The following SLC1A1 variants were observed in gnomAD, a reference collection of about 807,000 sequenced individuals.
The protein encoded by SLC1A1 is solute carrier family 1 member 1, also known as excitatory amino acid transporter 3.
In SLC1A1, 43 loss-of-function variants were observed where a neutral mutation model predicts 53.3. That is an observed-to-expected ratio of 0.81 (90% CI 0.63 to 1.04). The LOEUF is 1.04. SLC1A1 is among the 50% of genes least tolerant of loss of function. SLC1A1 has a pLI of 0.00. For missense variants in SLC1A1, 748 were observed against 664.9 expected, an observed-to-expected ratio of 1.12 and a Z score of -1.37; for synonymous variants, 307 against 243.2, an observed-to-expected ratio of 1.26 and a Z score of -2.44.
At chr9:4,505,727 G>A (rs1055629801) in intron 1 of SLC1A1, among the ~76,000 whole-genome samples, 1 of 152,158 alleles carries the variant, frequency 6.6e-6, no homozygotes, top group African/African-American at 2.4e-5. Context: ...CATGATCTTG[G>A]CTCACTTCAA....
At chr9:4,544,339 G>A (rs917205180) in intron 1 of SLC1A1, among the ~76,000 whole-genome samples, 12 of 152,128 alleles carry the variant, frequency 7.9e-5, no homozygotes, top group African/African-American at 2.9e-4. Context: ...TGACAACAAA[G>A]CTTTCATGTA....
Position 4,539,266 on chromosome 9 carries a change from C to T in SLC1A1, c.92-5301C>T, listed in dbSNP as rs370580173. ...CATAAGAACAAAGGCTGGTTAGGAC[C>T]TGGAAAAAACGAGAGAGGGAGAGAT... is the stretch of plus-strand genomic sequence containing the variant. On this transcript the variant is annotated intron_variant, in intron 1 of 11. Transcript: ENST00000262352. Among the ~76,000 whole-genome samples, 4 of 152,054 alleles carry T rather than the reference C, an allele frequency of 2.6e-5. 1 individual carries two copies. The highest frequency in any genetic ancestry group is 4.4e-5 in the Non-Finnish European group (3 of 68,016).
At chr9:4,490,928 C>G (rs1390060714) in intron 1 of SLC1A1, among the ~76,000 whole-genome samples, 158 bp downstream of exon 1, 1 of 152,198 alleles carries the variant, frequency 6.6e-6, no homozygotes, top group Non-Finnish European at 1.5e-5. Context: ...GGGCTTTCCC[C>G]CAAGCGCTCT....
At position 4,576,102 on chromosome 9, in the gene SLC1A1, C is replaced by G; in HGVS notation, c.977C>G (p.Thr326Arg). Residue 326 changes from threonine (T) to arginine (R), a missense_variant, in exon 9 of 12, where the codon ACA (threonine) becomes AGA (arginine). Physicochemically the swap from Thr to Arg is moderately conservative, Grantham distance 71 (BLOSUM62 -1). Transcript: ENST00000262352. ...FAMGMAQALL[T>R]ALMISSSSAT... ...ATGGGAATGGCCCAGGCTCTCCTGA[C>G]AGCTCTCATGATCTCTTCCAGGTAA... The G allele has an allele frequency of 6.2e-7, 1 of 1,613,870 alleles. No individual in the cohort carries two copies. The highest frequency in any genetic ancestry group is 8.5e-7 in the Non-Finnish European group (1 of 1,179,722).
chr9:4,583,874 TCTCTCTCTCACA>T lies in SLC1A1; in HGVS notation c.1328+704_1328+715del, dbSNP rs1478481395. On this transcript the variant is annotated intron_variant, in intron 11 of 11. Coordinates refer to ENST00000262352, the MANE Select transcript of SLC1A1 (RefSeq NM_004170.6). This position sits in a 1 kb window ranked among gnomAD's most constrained non-coding sequence, Gnocchi z 4.6. Reference sequence around the variant, plus strand: ...ACACTTCTCTCTCTCTCTCTCTCTCTCTCTCTCTCACACACACACACACACACACACACACAC... The same window carrying T: ...ACACTTCTCTCTCTCTCTCTCTCTCTCACACACACACACACACACACACAC... 2.3e-5 allele frequency among the ~76,000 whole-genome samples: 3 copies of T among 132,572 alleles called. No individual in the cohort carries two copies. Among genetic ancestry groups the T allele is most frequent in the Admixed American group, 7.5e-5 (1 of 13,310 alleles). The allele number at this position is 132,572 out of a possible 152,430, so 87.0% of individuals were successfully genotyped here. A position where few individuals can be genotyped will look rare whatever the true frequency, so the allele number is the denominator to read the frequency against.
chr9:4,540,952 C>T (rs1445016737), intron 1 of SLC1A1, among the ~76,000 whole-genome samples: 1 of 152,206 alleles, frequency 6.6e-6, no homozygotes, highest in Non-Finnish European at 1.5e-5. Context: ...CCACACCTCA[C>T]AATTGGTGGA....
Position 4,573,937 on chromosome 9 carries a change from T to C in SLC1A1, c.798T>C (p.Ile266=). 1 of 1,613,856 alleles carries C rather than the reference T, an allele frequency of 6.2e-7. No individual in the cohort carries two copies. Among genetic ancestry groups the C allele is most frequent in the Non-Finnish European group, 8.5e-7 (1 of 1,179,722 alleles). ...CYMPLGILFL[I]AGKIIEVEDW... Reference sequence around the variant, plus strand: ...TGCCACTAGGTATTTTGTTCCTGATTGCTGGGAAGATCATAGAAGTTGAAG... The same window carrying C: ...TGCCACTAGGTATTTTGTTCCTGATCGCTGGGAAGATCATAGAAGTTGAAG... The change falls in exon 8 of 12, where the codon ATT becomes ATC. Residue 266 remains isoleucine (I), a synonymous_variant. Transcript: ENST00000262352.
chr9:4,543,898 G>A (rs1817229998), intron 1 of SLC1A1, among the ~76,000 whole-genome samples: 1 of 152,080 alleles, frequency 6.6e-6, no homozygotes, highest in Non-Finnish European at 1.5e-5. Context: ...ATGTAAAATA[G>A]CCAAGCATGG....
At chr9:4,540,643 G>C (rs1248997455) in intron 1 of SLC1A1, among the ~76,000 whole-genome samples, 1 of 152,148 alleles carries the variant, frequency 6.6e-6, no homozygotes, top group Non-Finnish European at 1.5e-5. Context: ...CTCACCTGTG[G>C]ACTCCCTTCT....
intron 1 of SLC1A1, among the ~76,000 whole-genome samples, chr9:4,499,888 T>G (rs941718502): frequency 6.6e-6 from 1 of 152,222 alleles, no homozygotes; most frequent in Non-Finnish European, 1.5e-5. Flanking sequence ...TAGAAAATTT[T>G]TGTGTGCAAA....
At chr9:4,521,767 G>A (rs1816080191) in intron 1 of SLC1A1, among the ~76,000 whole-genome samples, 3 of 152,168 alleles carry the variant, frequency 2.0e-5, no homozygotes, top group Admixed American at 2.0e-4. Flanking sequence ...GCAGAAGAGG[G>A]AAGGGGCAAG....
intron 1 of SLC1A1, among the ~76,000 whole-genome samples, chr9:4,519,763 G>C (rs1815999504): frequency 6.6e-6 from 1 of 152,110 alleles, no homozygotes. Context: ...GTAACTGGTA[G>C]GACATACTCA....
At chr9:4,585,185 G>C in intron 11 of SLC1A1, 127 bp from the exon 12 acceptor site, 1 of 1,268,578 alleles carries the variant, frequency 7.9e-7, no homozygotes, top group Non-Finnish European at 1.1e-6. Context: ...CAGTCAGTCA[G>C]CCATGAGGAC....
At chr9:4,573,497 C>G (rs1417400665) in intron 7 of SLC1A1, among the ~76,000 whole-genome samples, 2 of 152,178 alleles carry the variant, frequency 1.3e-5, no homozygotes, top group Non-Finnish European at 2.9e-5. Flanking sequence ...ACTATCGCCT[C>G]TATTGCTGAT....
intron 2 of SLC1A1, among the ~76,000 whole-genome samples, chr9:4,552,596 C>T (rs1818024475): frequency 6.6e-6 from 1 of 152,028 alleles, no homozygotes; most frequent in Admixed American, 6.5e-5. Context: ...CAGTGACTCC[C>T]ACCTGTGCCA....
chr9:4,515,225 A>G (rs570402788), intron 1 of SLC1A1, among the ~76,000 whole-genome samples: 11 of 152,240 alleles, frequency 7.2e-5, no homozygotes, highest in African/African-American at 2.4e-4. Context: ...CAGATTTCAC[A>G]TAGCCTCACT....
intron 1 of SLC1A1, among the ~76,000 whole-genome samples, chr9:4,533,087 C>A (rs1000723529): frequency 6.6e-6 from 1 of 152,150 alleles, no homozygotes; most frequent in Non-Finnish European, 1.5e-5. Flanking sequence ...AAGGAAAAAC[C>A]GGTGCCAGCC....
At chr9:4,579,745 G>A (rs559860601) in intron 10 of SLC1A1, among the ~76,000 whole-genome samples, 52 of 152,254 alleles carry the variant, frequency 3.4e-4, no homozygotes, top group Non-Finnish European at 7.1e-4. Flanking sequence ...TGTGACTAAT[G>A]GTTAAAGAGA....
Position 4,544,712 on chromosome 9 carries a change from C to T in SLC1A1, c.232+5C>T. 1.9e-6 allele frequency: 3 copies of T among 1,610,120 alleles called. No individual in the cohort carries two copies. The highest frequency in any genetic ancestry group is 2.5e-6 in the Non-Finnish European group (3 of 1,176,598). On this transcript the variant is annotated splice_donor_5th_base_variant and intron_variant, in intron 2 of 11. Coordinates refer to ENST00000262352, the MANE Select transcript of SLC1A1 (RefSeq NM_004170.6). ...TTATATCCAGCATGATTACAGGTAC[C>T]TTGAGAAAACAGATGTTCTCTATAT... is the stretch of plus-strand genomic sequence containing the variant.
Sources: gnomAD v4.1 joint callset for allele counts (sites outside exome capture counted in the v4.1 genomes callset) on GRCh38, gnomAD v4.1.1 for gene constraint, Gnocchi (gnomAD v3.1) non-coding constraint, MANE v1.5 for transcripts, NCBI Gene and HGNC (gene_info 2026-07-23, HGNC 2026-07-21) for gene names.